TYR: variants seen among roughly 807,000 people sequenced by gnomAD.
TYR encodes LB24-AB.
In TYR, 58 loss-of-function variants were observed where a neutral mutation model predicts 51.5. The observed-to-expected ratio is 1.13, with a 90% CI of 0.91 to 1.40. TYR has a LOEUF of 1.40. Among genes scored for constraint, TYR ranks in the 40% most tolerant of loss-of-function variants. TYR has a pLI of 0.00. For missense variants in TYR, 732 were observed against 647.4 expected (o/e 1.13, Z -1.42); for synonymous variants, 263 against 235.2 (o/e 1.12, Z -1.08).
chr11:89,244,640 A>G (rs1029107465), intron 3 of TYR, among the ~76,000 whole-genome samples: 1 of 152,172 alleles, frequency 6.6e-6, no homozygotes, highest in Non-Finnish European at 1.5e-5. Flanking sequence ...TAGATGGTGC[A>G]CCTTCGATAA....
At chr11:89,268,597 T>C (rs75001748) in intron 3 of TYR, among the ~76,000 whole-genome samples, 3,246 of 152,054 alleles carry the variant, frequency 0.021, 126 homozygotes, top group African/African-American at 0.072. Flanking sequence ...ACAGAAGTAT[T>C]ACATTTTGAT....
chr11:89,295,080 AG>A, intron 4 of TYR, 62 bp from the exon 5 acceptor site: 2 of 1,595,308 alleles, frequency 1.3e-6, no homozygotes, highest in Non-Finnish European at 1.7e-6. Flanking sequence ...GAAAGGATGA[AG>A]ATGATGGTGA....
rs1397052520 is a variant in TYR at position 89,191,413 on chromosome 11, T to C, written c.1031T>C (p.Leu344Pro). The change falls in exon 2 of 5, where the codon CTG (leucine) becomes CCG (proline). Residue 344 changes from leucine to proline, a missense_variant. By Grantham distance (98) the Leu-to-Pro change is moderately conservative. Coordinates refer to ENST00000263321, the MANE Select transcript of TYR (RefSeq NM_000372.5). Reference sequence around the variant, plus strand: ...GCCAATTTCAGCTTTAGAAATACACTGGAAGGTAATCTCTTTCTTTTCACT... The same window carrying C: ...GCCAATTTCAGCTTTAGAAATACACCGGAAGGTAATCTCTTTCTTTTCACT... ...KAANFSFRNT[L>P]EGFASPLTGI... 1.2e-6 allele frequency: 2 copies of C among 1,612,930 alleles called. No homozygotes were observed. The highest frequency in any genetic ancestry group is 1.7e-5 in the Admixed American group (1 of 59,924).
At chr11:89,179,425 C>T (rs901146923) in intron 1 of TYR, among the ~76,000 whole-genome samples, 1 of 152,188 alleles carries the variant, frequency 6.6e-6, no homozygotes, top group South Asian at 2.1e-4. Flanking sequence ...GAACATCTAG[C>T]ATGTGCAAAC....
chr11:89,241,972 C>T (rs1451852288), intron 3 of TYR, among the ~76,000 whole-genome samples: 2 of 151,610 alleles, frequency 1.3e-5, no homozygotes, highest in South Asian at 2.1e-4. Context: ...AAAGATGATA[C>T]CACGTTTTGA....
In TYR at chr11:89,232,876, T is replaced by C. The variant is rs888993763; in HGVS notation, c.1184+4906T>C. ...AGCCTTCATCAAGTCAAAGTTTTGC[T>C]GGGGGAGGGTCTTGCCTTGATTTTG... is the stretch of plus-strand genomic sequence containing the variant. On this transcript the variant is annotated intron_variant, in intron 3 of 4. Coordinates refer to ENST00000263321, the MANE Select transcript of TYR (RefSeq NM_000372.5). 9.1e-5 allele frequency among the ~76,000 whole-genome samples: 13 copies of C among 143,340 alleles called. 1 individual carries two copies. The highest frequency in any genetic ancestry group is 3.6e-4 in the African/African-American group (13 of 36,248). 94.0% of individuals were successfully genotyped at this position (143,340 alleles called of 152,430 possible).
chr11:89,254,585 C>T (rs574212907), intron 3 of TYR, among the ~76,000 whole-genome samples: 1 of 151,790 alleles, frequency 6.6e-6, no homozygotes, highest in Admixed American at 6.6e-5. Context: ...TATCCATCTA[C>T]TCTAGGTTTT....
chr11:89,237,511 C>CTT (rs2047258924), intron 3 of TYR, among the ~76,000 whole-genome samples: 1 of 152,078 alleles, frequency 6.6e-6, no homozygotes, highest in Non-Finnish European at 1.5e-5. Context: ...AAATGCTTGA[C>CTT]TTTATTTCTG....
chr11:89,271,592 A>G (rs1171070381), intron 3 of TYR, among the ~76,000 whole-genome samples: 1 of 151,938 alleles, frequency 6.6e-6, no homozygotes, highest in African/African-American at 2.4e-5. Flanking sequence ...GATCAGGGTG[A>G]TGGCTGCTGA....
At position 89,177,952 on chromosome 11, in the gene TYR, G is replaced by A. The variant is rs1943244731; in HGVS notation, c.-2G>A. The stretch of plus-strand genomic sequence containing the variant: ...GCAGACCTTGTGAGGACTAGAGGAA[G>A]AATGCTCCTGGCTGTTTTGTACTGC... On this transcript the variant is annotated 5_prime_UTR_variant, in exon 1 of 5. Transcript: ENST00000263321. The A allele has an allele frequency of 6.2e-7, 1 of 1,613,988 alleles. No homozygotes were observed. The highest frequency in any genetic ancestry group is 8.5e-7 in the Non-Finnish European group (1 of 1,180,016).
At position 89,284,797 on chromosome 11, in the gene TYR, G is replaced by A. The variant is rs104894316; in HGVS notation, c.1209G>A (p.Arg403=). The A allele has an allele frequency of 1.2e-6, 2 of 1,611,652 alleles. No individual in the cohort carries two copies. The highest frequency in any genetic ancestry group is 1.1e-5 in the South Asian group (1 of 91,028). The change falls in exon 4 of 5, where the codon AGG becomes AGA. Residue 403 remains arginine, a synonymous_variant. Coordinates refer to ENST00000263321, the MANE Select transcript of TYR (RefSeq NM_000372.5). The part of the protein sequence containing the change: ...VDSIFEQWLR[R]HRPLQEVYPE... The stretch of plus-strand genomic sequence containing the variant: ...GTATTTTTGAGCAGTGGCTCCGAAG[G>A]CACCGTCCTCTTCAAGAAGTTTATC...
At chr11:89,277,501 T>C (rs1944669518) in intron 3 of TYR, among the ~76,000 whole-genome samples, 1 of 151,738 alleles carries the variant, frequency 6.6e-6, no homozygotes, top group African/African-American at 2.4e-5. Context: ...GTTGGTGAGC[T>C]GACTTCTCAA....
At chr11:89,235,628 G>A (rs565849025) in intron 3 of TYR, among the ~76,000 whole-genome samples, 5 of 152,128 alleles carry the variant, frequency 3.3e-5, no homozygotes, top group East Asian at 3.9e-4. Context: ...CTTTGAACTC[G>A]TAGGAGTAGG....
At position 89,295,050 on chromosome 11, in the gene TYR, T is replaced by G. The variant is rs536823507; in HGVS notation, c.1367-93T>G. 6 of 1,563,104 alleles carry G rather than the reference T, an allele frequency of 3.8e-6. No homozygotes were observed. The South Asian group carries it at 5.9e-5, about 15-fold the overall frequency. ...AGTAGAGCTGGCCTTCAAACCCAGG[T>G]GTCTACTCCAAAGGACTGTGAAAGG... On this transcript the variant is annotated intron_variant, in intron 4 of 4. Transcript: ENST00000263321.
intron 3 of TYR, among the ~76,000 whole-genome samples, chr11:89,242,166 TC>T (rs1285268053): frequency 1.3e-5 from 2 of 152,062 alleles, no homozygotes; most frequent in East Asian, 3.9e-4. Context: ...AGAAGGGGCT[TC>T]TTTGGCTCTT....
intron 2 of TYR, among the ~76,000 whole-genome samples, chr11:89,209,898 C>T (rs1312657791): frequency 6.6e-6 from 1 of 152,206 alleles, no homozygotes; most frequent in East Asian, 1.9e-4. Flanking sequence ...GGAAAACTAA[C>T]TAACAGAAAG....
chr11:89,196,674 A>G (rs1375663850), intron 2 of TYR, among the ~76,000 whole-genome samples: 1 of 152,170 alleles, frequency 6.6e-6, no homozygotes, highest in African/African-American at 2.4e-5. Context: ...CCTTCTAACA[A>G]ATGCAGTTTA....
At chr11:89,184,945 C>T (rs1481445801) in intron 1 of TYR, among the ~76,000 whole-genome samples, 1 of 152,130 alleles carries the variant, frequency 6.6e-6, no homozygotes, top group Non-Finnish European at 1.5e-5. Flanking sequence ...CCATTCAATT[C>T]TATTTGAGAT....
At chr11:89,269,112 T>C (rs946014668) in intron 3 of TYR, among the ~76,000 whole-genome samples, 2 of 151,944 alleles carry the variant, frequency 1.3e-5, no homozygotes, top group African/African-American at 4.8e-5. Flanking sequence ...GAGCTTGACA[T>C]GTCATGATTC....
Sources: gnomAD v4.1 joint callset for allele counts (sites outside exome capture counted in the v4.1 genomes callset) on GRCh38, gnomAD v4.1.1 for gene constraint, MANE v1.5 for transcripts, NCBI Gene and HGNC (gene_info 2026-07-23, HGNC 2026-07-21) for gene names.